KDM2A: variants seen among roughly 807,000 people sequenced by gnomAD.
The protein encoded by KDM2A is lysine demethylase 2A, also known as lysine-specific demethylase 2A.
Under a neutral mutation model 137.3 loss-of-function variants are expected in KDM2A, and 3 were observed. The observed-to-expected ratio is 0.02, with a 90% confidence interval of 0.01 to 0.06. KDM2A has a LOEUF of 0.06. Ranked by LOEUF, KDM2A falls within the 10% of genes least tolerant of loss-of-function variation. KDM2A has a pLI of 1.00. For missense variants in KDM2A, 738 were observed against 1,510.6 expected, an observed-to-expected ratio of 0.49 and a Z score of 8.48; for synonymous variants, 512 against 541.5, an observed-to-expected ratio of 0.95 and a Z score of 0.76.
At chr11:67,139,908 C>T (rs1856057115) in intron 2 of KDM2A, among the ~76,000 whole-genome samples, 1 of 151,888 alleles carries the variant, frequency 6.6e-6, no homozygotes, top group Admixed American at 6.6e-5. Flanking sequence ...CCGGGTTTCA[C>T]TGTGTTGCAC....
Position 67,255,645 on chromosome 11 carries a change from C to T in KDM2A, c.*590C>T, listed in dbSNP as rs140599517. 8 of 449,858 alleles carry T rather than the reference C, an allele frequency of 1.8e-5. No individual in the cohort carries two copies. Among genetic ancestry groups the T allele is most frequent in the East Asian group, 1.4e-4 (2 of 14,280 alleles). The allele number at this position is 449,858 out of a possible 1,614,324, so 27.9% of individuals were successfully genotyped here. ...CTGTGCTCTCCCTCCTTTCCTCTCC[C>T]TTGAGCTTGGTTCTGCCCAGCACTC... On this transcript the variant is annotated 3_prime_UTR_variant, in exon 21 of 21. Transcript: ENST00000529006.
chr11:67,252,467 G>C, intron 17 of KDM2A: 1 of 554,486 alleles, frequency 1.8e-6, no homozygotes, highest in Non-Finnish European at 3.3e-6. Flanking sequence ...AAGTGGTCAA[G>C]TTATATACTA....
At chr11:67,173,970 C>T (rs1243116278) in intron 2 of KDM2A, among the ~76,000 whole-genome samples, 1 of 152,182 alleles carries the variant, frequency 6.6e-6, no homozygotes, top group East Asian at 1.9e-4. Flanking sequence ...CTACCCCAGC[C>T]TCCCTAATTG....
At chr11:67,157,110 G>A (rs926006366) in intron 2 of KDM2A, among the ~76,000 whole-genome samples, 1 of 151,802 alleles carries the variant, frequency 6.6e-6, no homozygotes, top group East Asian at 2.0e-4. Context: ...TCAGGAGATA[G>A]AGACCATCCT....
chr11:67,127,392 A>T (rs1212361328), intron 2 of KDM2A, among the ~76,000 whole-genome samples: 1 of 152,052 alleles, frequency 6.6e-6, no homozygotes, highest in Admixed American at 6.6e-5. Flanking sequence ...AAGTGCTGGG[A>T]GTACAGGTGT....
chr11:67,225,592 G>A (rs1287303495), intron 10 of KDM2A, among the ~76,000 whole-genome samples: 5 of 152,034 alleles, frequency 3.3e-5, no homozygotes, highest in Non-Finnish European at 1.5e-5. Context: ...CCAACATGGA[G>A]AAGGCGTGTT....
intron 8 of KDM2A, among the ~76,000 whole-genome samples, chr11:67,217,182 C>T (rs939983485): frequency 1.4e-5 from 2 of 141,794 alleles, no homozygotes; most frequent in Non-Finnish European, 3.0e-5. Context: ...GTGGAGGTTA[C>T]GGTGAGCCAA....
chr11:67,143,619 T>TTTTA (rs959623132), intron 2 of KDM2A, among the ~76,000 whole-genome samples: 219 of 151,954 alleles, frequency 1.4e-3, no homozygotes, highest in South Asian at 5.6e-3. Flanking sequence ...GTCTTTCTCT[T>TTTTA]TTTATTTATT....
At chr11:67,150,014 G>A (rs1010969719) in intron 2 of KDM2A, among the ~76,000 whole-genome samples, 1 of 152,130 alleles carries the variant, frequency 6.6e-6, no homozygotes, top group Non-Finnish European at 1.5e-5. Flanking sequence ...GAGCCACTGC[G>A]CATGGCCTAG....
In KDM2A at chr11:67,248,241, TGA is replaced by T. The variant is rs562977471; in HGVS notation, c.1966-35_1966-34del. The T allele has an allele frequency of 1.8e-5, 25 of 1,411,762 alleles. No homozygotes were observed. The African/African-American group carries it at 2.7e-4, about 15-fold the overall frequency. The allele number at this position is 1,411,762 out of a possible 1,614,324, so 87.5% of individuals were successfully genotyped here. A position where few individuals can be genotyped will look rare whatever the true frequency, so the allele number is the denominator to read the frequency against. On this transcript the variant is annotated intron_variant, in intron 15 of 20. Coordinates refer to ENST00000529006, the MANE Select transcript of KDM2A (RefSeq NM_012308.3). ...GTGTTATTGTTGGATAAAGGAAGCT[TGA>T]GAGACAGGCTTTTAAAAACATCTCT... is the stretch of plus-strand genomic sequence containing the variant.
chr11:67,174,758 A>C (rs1856943871), intron 2 of KDM2A, among the ~76,000 whole-genome samples: 1 of 152,186 alleles, frequency 6.6e-6, no homozygotes, highest in Non-Finnish European at 1.5e-5. Context: ...TGATTTTGCT[A>C]TATTATTTGG....
chr11:67,152,915 T>C (rs1451815027), intron 2 of KDM2A, among the ~76,000 whole-genome samples: 1 of 4,714 alleles, frequency 2.1e-4, no homozygotes. Context: ...AGTGTGTGTG[T>C]GTGTGTGTGT....
At chr11:67,206,303 C>T (rs1033960819) in intron 5 of KDM2A, among the ~76,000 whole-genome samples, 5 of 152,296 alleles carry the variant, frequency 3.3e-5, no homozygotes, top group South Asian at 4.1e-4. Context: ...TGGTGGCACA[C>T]GGCCATATTC....
At chr11:67,150,424 G>C (rs1443993167) in intron 2 of KDM2A, among the ~76,000 whole-genome samples, 1 of 152,182 alleles carries the variant, frequency 6.6e-6, no homozygotes, top group Non-Finnish European at 1.5e-5. Context: ...GCATATCATT[G>C]ATTCTCAAGT....
chr11:67,206,032 T>A (rs901482515), intron 5 of KDM2A, among the ~76,000 whole-genome samples: 2 of 152,234 alleles, frequency 1.3e-5, no homozygotes, highest in African/African-American at 4.8e-5. Flanking sequence ...CTTTATCGAC[T>A]TTAAATCTTC....
chr11:67,150,072 A>G (rs1856350840), intron 2 of KDM2A, among the ~76,000 whole-genome samples: 1 of 152,194 alleles, frequency 6.6e-6, no homozygotes, highest in Admixed American at 6.5e-5. Flanking sequence ...AAAATTCAAC[A>G]ATTCGTTGTG....
intron 13 of KDM2A, among the ~76,000 whole-genome samples, chr11:67,244,757 G>C (rs1426285635): frequency 6.6e-6 from 1 of 152,062 alleles, no homozygotes; most frequent in African/African-American, 2.4e-5. Flanking sequence ...ATGCCAAGGC[G>C]GGCAGATCAC....
intron 2 of KDM2A, among the ~76,000 whole-genome samples, chr11:67,129,595 G>A (rs1014820011): frequency 1.3e-5 from 2 of 152,010 alleles, no homozygotes; most frequent in Non-Finnish European, 2.9e-5. Flanking sequence ...TTAGCCGGGC[G>A]TGATGGTGGG....
chr11:67,189,552 T>C (rs1857294538), intron 5 of KDM2A, among the ~76,000 whole-genome samples: 2 of 152,018 alleles, frequency 1.3e-5, no homozygotes, highest in South Asian at 4.2e-4. Context: ...AGCAAGACCT[T>C]ATCTCGGCCG....
Sources: allele counts gnomAD v4.1 joint callset (sites outside exome capture counted in the v4.1 genomes callset), GRCh38; gene constraint gnomAD v4.1.1; transcripts MANE v1.5; gene names NCBI Gene and HGNC (gene_info 2026-07-23, HGNC 2026-07-21).